The following FAM178B variants were observed in gnomAD, a reference collection of about 807,000 sequenced individuals.
FAM178B encodes family with sequence similarity 178 member B, also known as protein FAM178B.
In FAM178B, 82 loss-of-function variants were observed where a neutral mutation model predicts 91.7. That is an observed-to-expected ratio of 0.89 (90% CI 0.75 to 1.07). The LOEUF is 1.07. Among genes scored for constraint, FAM178B ranks in the 50% least tolerant of loss-of-function variants. The pLI is 0.00. For missense variants in FAM178B, 769 were observed against 846.7 expected (o/e 0.91, Z 1.14); for synonymous variants, 368 against 359.4 (o/e 1.02, Z -0.27).
chr2:96,905,816 G>GTATATATATATATATA, intron 12 of FAM178B, among the ~76,000 whole-genome samples: 1 of 36,748 alleles, frequency 2.7e-5, no homozygotes, highest in Non-Finnish European at 4.5e-5. Context: ...ACATATATGT[G>GTATATATATATATATA]TGTATATATA....
At chr2:96,914,104 C>T (rs943010163) in intron 12 of FAM178B, among the ~76,000 whole-genome samples, 9 of 152,240 alleles carry the variant, frequency 5.9e-5, no homozygotes, top group Non-Finnish European at 2.9e-5. Context: ...GCTGAGGATG[C>T]AGACATGGGG....
At chr2:96,975,072 G>A (rs2082271818) in intron 1 of FAM178B, among the ~76,000 whole-genome samples, 1 of 126,050 alleles carries the variant, frequency 7.9e-6, no homozygotes. Context: ...TCTAACCTGG[G>A]TGACAGAGTG....
At chr2:96,909,808 A>G (rs980314733) in intron 12 of FAM178B, among the ~76,000 whole-genome samples, 2 of 152,108 alleles carry the variant, frequency 1.3e-5, no homozygotes, top group African/African-American at 4.8e-5. Flanking sequence ...AGTTGTATTC[A>G]TGTCATCTGT....
rs558696817 is a variant in FAM178B at position 96,955,321 on chromosome 2, T to A, written c.888-3837A>T. On this transcript the variant is annotated intron_variant, in intron 6 of 16. Transcript: ENST00000490605. ...GTCAGGAGATCGAGACCATCCTGGC[T>A]AACACAGTGAAACCCCGTCTCTACT... Among the ~76,000 whole-genome samples, 47 of 152,094 alleles carry A rather than the reference T, an allele frequency of 3.1e-4. No individual in the cohort carries two copies. In the South Asian group the frequency reaches 4.0e-3, roughly 13 times the overall value.
At chr2:96,930,242 A>C (rs1313585900) in intron 8 of FAM178B, among the ~76,000 whole-genome samples, 2 of 134,950 alleles carry the variant, frequency 1.5e-5, no homozygotes, top group Admixed American at 1.5e-4. Context: ...AAAAAAAAAA[A>C]AATCTGACCA....
intron 1 of FAM178B, among the ~76,000 whole-genome samples, chr2:96,975,849 C>T (rs901264197): frequency 3.3e-5 from 5 of 152,194 alleles, no homozygotes; most frequent in Admixed American, 2.6e-4. Flanking sequence ...AAATAACAAG[C>T]GCAGAAGGCT....
chr2:96,941,033 A>G (rs925925590), intron 8 of FAM178B, among the ~76,000 whole-genome samples: 1 of 152,246 alleles, frequency 6.6e-6, no homozygotes, highest in African/African-American at 2.4e-5. Flanking sequence ...CACTGGAGGT[A>G]ATTTCAGATG....
chr2:96,919,347 T>C (rs1016214243), intron 12 of FAM178B, among the ~76,000 whole-genome samples: 30 of 151,912 alleles, frequency 2.0e-4, no homozygotes, highest in South Asian at 2.1e-4. Context: ...ATGGGGAGCA[T>C]GGTAAGGCAG....
At chr2:96,879,437 G>T (rs1000825344) in intron 14 of FAM178B, among the ~76,000 whole-genome samples, 2 of 152,184 alleles carry the variant, frequency 1.3e-5, no homozygotes, top group Non-Finnish European at 2.9e-5. Flanking sequence ...GCCCTCCCAG[G>T]GCGCCAGGCA....
chr2:96,904,700 G>A (rs1203559632), intron 12 of FAM178B, among the ~76,000 whole-genome samples: 1 of 151,760 alleles, frequency 6.6e-6, no homozygotes, highest in African/African-American at 2.4e-5. Context: ...AGCCAACAGG[G>A]TCTCATTTAT....
At chr2:96,885,925 T>C (rs1310658386) in intron 14 of FAM178B, among the ~76,000 whole-genome samples, 1 of 147,572 alleles carries the variant, frequency 6.8e-6, no homozygotes, top group Non-Finnish European at 1.5e-5. Context: ...GCGTGTAGAG[T>C]GGAGGGGGTC....
At chr2:96,982,514 C>G (rs558518332) in intron 1 of FAM178B, among the ~76,000 whole-genome samples, 2 of 152,232 alleles carry the variant, frequency 1.3e-5, no homozygotes, top group African/African-American at 4.8e-5. Flanking sequence ...CCACCCGCCT[C>G]AGTCTCCCAC....
chr2:96,963,068 T>C (rs147695102), intron 5 of FAM178B, among the ~76,000 whole-genome samples: 3 of 152,348 alleles, frequency 2.0e-5, no homozygotes, highest in African/African-American at 4.8e-5. Context: ...GAAAACGTCA[T>C]GCGCCCAGCA....
At chr2:96,917,289 C>T (rs1021007603) in intron 12 of FAM178B, among the ~76,000 whole-genome samples, 9 of 152,196 alleles carry the variant, frequency 5.9e-5, no homozygotes, top group South Asian at 4.1e-4. Flanking sequence ...ACACTGATCC[C>T]GATAAGGCAC....
At chr2:96,947,439 C>T (rs923389583) in intron 8 of FAM178B, among the ~76,000 whole-genome samples, 6 of 152,118 alleles carry the variant, frequency 3.9e-5, no homozygotes, top group African/African-American at 9.7e-5. Context: ...TGATTTGATG[C>T]GGATATTCCT....
intron 13 of FAM178B, among the ~76,000 whole-genome samples, chr2:96,897,484 G>T (rs911164774): frequency 5.3e-5 from 8 of 152,156 alleles, no homozygotes; most frequent in African/African-American, 1.9e-4. Flanking sequence ...AGTGCCCCAG[G>T]ATAAGAAGCA....
intron 8 of FAM178B, among the ~76,000 whole-genome samples, chr2:96,946,455 C>G (rs1348897489): frequency 2.0e-5 from 3 of 152,172 alleles, no homozygotes; most frequent in Non-Finnish European, 4.4e-5. Context: ...AGTTGAGATC[C>G]CGACCCCAGG....
At chr2:96,930,973 G>A (rs1255523583) in intron 8 of FAM178B, among the ~76,000 whole-genome samples, 4 of 152,102 alleles carry the variant, frequency 2.6e-5, no homozygotes, top group Non-Finnish European at 5.9e-5. Flanking sequence ...CTTGATCTTG[G>A]ACTTCCCAGC....
At chr2:96,937,258 C>A (rs1248820627) in intron 8 of FAM178B, among the ~76,000 whole-genome samples, 3 of 152,180 alleles carry the variant, frequency 2.0e-5, no homozygotes, top group Non-Finnish European at 4.4e-5. Flanking sequence ...TGCCCTACCC[C>A]CCAGCAATTG....
Sources: allele counts gnomAD v4.1 joint callset (sites outside exome capture counted in the v4.1 genomes callset), GRCh38; gene constraint gnomAD v4.1.1; transcripts MANE v1.5; gene names NCBI Gene and HGNC (gene_info 2026-07-23, HGNC 2026-07-21).